The following NOL4 variants were observed in gnomAD, a reference collection of about 807,000 sequenced individuals.
The protein encoded by NOL4 is nucleolar protein 4, also known as cancer/testis antigen 125.
Under a neutral mutation model 75.9 loss-of-function variants are expected in NOL4, and 17 were observed. That is an observed-to-expected ratio of 0.22 (90% CI 0.15 to 0.34). NOL4 has a LOEUF of 0.34. Among genes scored for constraint, NOL4 ranks in the 10% least tolerant of loss-of-function variants. The pLI is 1.00. For missense variants in NOL4, 614 were observed against 793.5 expected, an observed-to-expected ratio of 0.77 and a Z score of 2.72; for synonymous variants, 292 against 289.9, an observed-to-expected ratio of 1.01 and a Z score of -0.07.
Position 33,992,146 on chromosome 18 carries a change from G to T in NOL4, c.1056+27172C>A, listed in dbSNP as rs149151027. Among the ~76,000 whole-genome samples, 247 of 151,896 alleles carry T rather than the reference G, an allele frequency of 1.6e-3. 1 individual carries two copies. The highest frequency in any genetic ancestry group is 5.6e-3 in the African/African-American group (231 of 41,460). ...ATCTACTTAACCTGAAATTTTGCTT[G>T]GCATTTGCATAACTAAGTTGTGATT... On this transcript the variant is annotated intron_variant, in intron 6 of 10. Transcript: ENST00000261592.
At chr18:33,903,272 G>A (rs1291278304) in intron 9 of NOL4, among the ~76,000 whole-genome samples, 4 of 152,092 alleles carry the variant, frequency 2.6e-5, no homozygotes, top group Non-Finnish European at 5.9e-5. Context: ...TAAACCATCC[G>A]ATCTTGTAAG....
At chr18:34,151,427 A>C (rs1188650358) in intron 1 of NOL4, among the ~76,000 whole-genome samples, 1 of 151,860 alleles carries the variant, frequency 6.6e-6, no homozygotes, top group African/African-American at 2.4e-5. Context: ...TTAAATGCAT[A>C]TTATCGAGTG....
chr18:34,130,485 T>C (rs940817546), intron 1 of NOL4, among the ~76,000 whole-genome samples: 1 of 151,994 alleles, frequency 6.6e-6, no homozygotes, highest in Non-Finnish European at 1.5e-5. Context: ...TTGCATAACC[T>C]AGGAAAGAAA....
intron 1 of NOL4, among the ~76,000 whole-genome samples, chr18:34,186,995 T>G (rs2034510248): frequency 6.6e-6 from 1 of 152,142 alleles, no homozygotes; most frequent in Non-Finnish European, 1.5e-5. Context: ...TGCACCAGAG[T>G]GGTACTTCCA....
At chr18:34,091,244 C>T (rs1179584508) in intron 5 of NOL4, among the ~76,000 whole-genome samples, 1 of 151,526 alleles carries the variant, frequency 6.6e-6, no homozygotes, top group Admixed American at 6.6e-5. Flanking sequence ...GTGCCTGTAG[C>T]CCCAGCTACT....
chr18:34,055,634 C>T (rs1024665922), intron 5 of NOL4, among the ~76,000 whole-genome samples: 8 of 152,016 alleles, frequency 5.3e-5, no homozygotes, highest in African/African-American at 1.4e-4. Context: ...CATGTATATC[C>T]GTTTCTTTCC....
At chr18:33,998,834 G>A (rs2073480761) in intron 6 of NOL4, among the ~76,000 whole-genome samples, 1 of 152,030 alleles carries the variant, frequency 6.6e-6, no homozygotes, top group Non-Finnish European at 1.5e-5. Context: ...GTACATAGAT[G>A]GCCCTTGAAA....
At chr18:33,886,527 C>CAAA (rs552709755) in intron 9 of NOL4, among the ~76,000 whole-genome samples, 117 of 83,618 alleles carry the variant, frequency 1.4e-3, no homozygotes, top group African/African-American at 5.1e-3. Flanking sequence ...GACTCCATCT[C>CAAA]AAAAAAAAAA....
intron 10 of NOL4, among the ~76,000 whole-genome samples, chr18:33,877,843 T>C (rs557865669): frequency 6.6e-6 from 1 of 151,896 alleles, no homozygotes; most frequent in Non-Finnish European, 1.5e-5. Flanking sequence ...TGTGTGTGTG[T>C]GTGTGTGTGC....
intron 9 of NOL4, among the ~76,000 whole-genome samples, chr18:33,899,823 A>G (rs1315435177): frequency 1.3e-5 from 2 of 152,030 alleles, no homozygotes; most frequent in Non-Finnish European, 2.9e-5. Flanking sequence ...GAAGCAGTTC[A>G]TTTGCATTTG....
intron 6 of NOL4, among the ~76,000 whole-genome samples, chr18:33,977,254 C>T (rs1037427730): frequency 3.9e-5 from 6 of 152,016 alleles, no homozygotes; most frequent in Admixed American, 2.6e-4. Flanking sequence ...AACTCTATAG[C>T]CTAGTGATAT....
At chr18:33,874,848 T>A (rs2063856441) in intron 10 of NOL4, among the ~76,000 whole-genome samples, 2 of 152,000 alleles carry the variant, frequency 1.3e-5, no homozygotes, top group African/African-American at 2.4e-5. Flanking sequence ...TGATGGTGAA[T>A]CTTATGGCCA....
chr18:33,868,319 A>G (rs2063532835), intron 10 of NOL4, among the ~76,000 whole-genome samples: 1 of 151,880 alleles, frequency 6.6e-6, no homozygotes, highest in Non-Finnish European at 1.5e-5. Context: ...GGTGTGAGCC[A>G]CTGAGCCCAC....
intron 4 of NOL4, among the ~76,000 whole-genome samples, chr18:34,099,362 C>CGAAAAAAAAAAAAA (rs2078935414): frequency 1.2e-5 from 1 of 80,092 alleles, no homozygotes; most frequent in Non-Finnish European, 2.4e-5. Flanking sequence ...GACTTTGTCT[C>CGAAAAAAAAAAAAA]AAAAAAAAAA....
rs187173128 is a variant in NOL4 at position 34,139,594 on chromosome 18, C to G, written c.265-9574G>C. On this transcript the variant is annotated intron_variant, in intron 1 of 10. Transcript: ENST00000261592. ...TTCTTCTTTATTAGTCTTGCTAGCG[C>G]TCTATCAATTTTGTTCATCTTTTTA... 5.7e-3 allele frequency among the ~76,000 whole-genome samples: 861 copies of G among 151,940 alleles called. 11 individuals carry two copies. Among genetic ancestry groups the G allele is most frequent in the African/African-American group, 0.02 (812 of 41,440 alleles).
intron 8 of NOL4, among the ~76,000 whole-genome samples, chr18:33,956,122 C>G (rs1053366144): frequency 2.0e-5 from 3 of 151,972 alleles, no homozygotes; most frequent in Non-Finnish European, 4.4e-5. Flanking sequence ...ATGGACTTTT[C>G]TATTACTATG....
chr18:34,029,146 T>C (rs895494326), intron 5 of NOL4, among the ~76,000 whole-genome samples: 6 of 152,164 alleles, frequency 3.9e-5, no homozygotes, highest in African/African-American at 1.4e-4. Flanking sequence ...TCAGTACAAT[T>C]ACTAATCATG....
chr18:34,041,371 T>A (rs943113880), intron 5 of NOL4, among the ~76,000 whole-genome samples: 2 of 151,932 alleles, frequency 1.3e-5, no homozygotes, highest in Non-Finnish European at 2.9e-5. Context: ...ATCCCTACTG[T>A]GAAGAATGGC....
rs1226376797 is a variant in NOL4, at chr18:34,203,685, C to CCTCTCTCTCTCTCTCT, written c.264+19289_264+19304dup. On this transcript the variant is annotated intron_variant, in intron 1 of 10. Transcript: ENST00000261592. ...CCCCTGATCTCTTTCTCTCTCTCTC[C>CCTCTCTCTCTCTCTCT]CTCTCTCTCTCTCTCTCTCTCTCTC... is the stretch of plus-strand genomic sequence containing the variant. 2.1e-3 allele frequency among the ~76,000 whole-genome samples: 208 copies of CCTCTCTCTCTCTCTCT among 100,702 alleles called. 4 individuals are homozygous for CCTCTCTCTCTCTCTCT. Among genetic ancestry groups the CCTCTCTCTCTCTCTCT allele is most frequent in the African/African-American group, 7.4e-3 (192 of 25,852 alleles). The allele number at this position is 100,702 out of a possible 152,430, so 66.1% of individuals were successfully genotyped here.
Sources: gnomAD v4.1 joint callset for allele counts (sites outside exome capture counted in the v4.1 genomes callset) on GRCh38, gnomAD v4.1.1 for gene constraint, MANE v1.5 for transcripts, NCBI Gene and HGNC (gene_info 2026-07-23, HGNC 2026-07-21) for gene names.